Variants in CFAP54 observed in about 807,000 individuals in gnomAD.
CFAP54 encodes cilia and flagella associated protein 54.
Under a neutral mutation model 370.4 loss-of-function variants are expected in CFAP54, and 290 were observed. That is an observed-to-expected ratio of 0.78 (90% CI 0.71 to 0.86). The LOEUF is 0.86. Among genes scored for constraint, CFAP54 ranks in the 40% least tolerant of loss-of-function variants. CFAP54 has a pLI of 0.00. For synonymous variants in CFAP54, 1,206 were observed against 1,236.5 expected (o/e 0.98, Z 0.52); for missense variants, 3,399 against 3,528.7 (o/e 0.96, Z 0.93).
chr12:96,604,021 T>C (rs1435068386), intron 26 of CFAP54, among the ~76,000 whole-genome samples: 1 of 152,250 alleles, frequency 6.6e-6, no homozygotes, highest in African/African-American at 2.4e-5. Context: ...TTGTGTTCCT[T>C]TGGAGAAGAG....
intron 63 of CFAP54, among the ~76,000 whole-genome samples, chr12:96,806,725 C>T (rs1169726991): frequency 6.6e-6 from 1 of 152,128 alleles, no homozygotes; most frequent in Non-Finnish European, 1.5e-5. Flanking sequence ...TTGAGGTGCT[C>T]TGGATTTTGG....
In CFAP54 at chr12:96,625,622, C is replaced by T. The variant is rs1429508413; in HGVS notation, c.3887-96C>T. The stretch of plus-strand genomic sequence containing the variant: ...AATAAATAGTATTTTCCTGTTTTGT[C>T]ATCTCTTTTAAAGAATTGTTATTGT... On this transcript the variant is annotated intron_variant, in intron 28 of 67. Transcript: ENST00000524981. 4.7e-6 allele frequency: 3 copies of T among 642,184 alleles called. No individual in the cohort carries two copies. The African/African-American group carries it at 5.6e-5, about 12-fold the overall frequency. 39.8% of individuals were successfully genotyped at this position (642,184 alleles called of 1,614,324 possible). A position where few individuals can be genotyped will look rare whatever the true frequency, so the allele number is the denominator to read the frequency against.
chr12:96,640,950 T>G (rs2136487693), intron 32 of CFAP54, among the ~76,000 whole-genome samples: 1 of 152,178 alleles, frequency 6.6e-6, no homozygotes, highest in Admixed American at 6.5e-5. Flanking sequence ...GACTTAAATG[T>G]TAGACCTAAA....
At chr12:96,792,725 T>C (rs1194799564) in intron 63 of CFAP54, among the ~76,000 whole-genome samples, 1 of 152,160 alleles carries the variant, frequency 6.6e-6, no homozygotes, top group Non-Finnish European at 1.5e-5. Flanking sequence ...AGGGAAAATT[T>C]TCAGTGTGTC....
intron 63 of CFAP54, among the ~76,000 whole-genome samples, chr12:96,810,637 G>T (rs1414025827): frequency 1.3e-5 from 2 of 152,140 alleles, no homozygotes; most frequent in Non-Finnish European, 2.9e-5. Context: ...CATAGTTTTT[G>T]AATGATCTGT....
intron 17 of CFAP54, among the ~76,000 whole-genome samples, chr12:96,562,735 T>A (rs1185020718): frequency 6.6e-6 from 1 of 152,096 alleles, no homozygotes; most frequent in African/African-American, 2.4e-5. Flanking sequence ...CCTGCCTGTA[T>A]TCTGTTTATA....
intron 45 of CFAP54, among the ~76,000 whole-genome samples, chr12:96,695,952 T>C (rs1327568189): frequency 6.6e-6 from 1 of 152,110 alleles, no homozygotes; most frequent in African/African-American, 2.4e-5. Flanking sequence ...AAGACAATAA[T>C]GTTGGTACCT....
chr12:96,625,899 A>G (rs1437940919), intron 29 of CFAP54, 92 bp downstream of exon 29: 3 of 962,730 alleles, frequency 3.1e-6, no homozygotes, highest in Middle Eastern at 2.1e-4. Flanking sequence ...CTGCTTGAAG[A>G]TTTCACCTGT....
chr12:96,751,948 C>T (rs1320667511), intron 55 of CFAP54, among the ~76,000 whole-genome samples: 1 of 152,136 alleles, frequency 6.6e-6, no homozygotes, highest in Non-Finnish European at 1.5e-5. Flanking sequence ...CCTTACTCTT[C>T]TGGGAGCCTC....
chr12:96,685,316 C>CTAT (rs34447605), intron 42 of CFAP54, 78 bp downstream of exon 42: 215,632 of 1,261,746 alleles, frequency 0.17, 24,181 homozygotes, highest in East Asian at 0.52. Context: ...ATACAAAGTG[C>CTAT]TATGCCTCAT....
At chr12:96,777,523 A>G (rs1463151747) in intron 60 of CFAP54, among the ~76,000 whole-genome samples, 1 of 151,890 alleles carries the variant, frequency 6.6e-6, no homozygotes, top group Non-Finnish European at 1.5e-5. Flanking sequence ...CTAATTTTGT[A>G]TTTTTAGTAG....
At chr12:96,832,276 A>T (rs1235067942) in intron 66 of CFAP54, among the ~76,000 whole-genome samples, 2 of 119,380 alleles carry the variant, frequency 1.7e-5, no homozygotes, top group African/African-American at 6.6e-5. Flanking sequence ...TTTTGTAAAA[A>T]AAAAAAATAT....
At chr12:96,677,630 G>A (rs545354832) in intron 39 of CFAP54, among the ~76,000 whole-genome samples, 39 of 152,268 alleles carry the variant, frequency 2.6e-4, no homozygotes, top group Middle Eastern at 3.4e-3. Flanking sequence ...GAGCAGACAG[G>A]AGACTGAAAC....
chr12:96,491,750 C>T (rs980181142), intron 1 of CFAP54, among the ~76,000 whole-genome samples: 14 of 152,080 alleles, frequency 9.2e-5, no homozygotes, highest in African/African-American at 3.4e-4. Context: ...TATATACCTA[C>T]TCTATATGCT....
At chr12:96,553,206 G>C (rs1028097492) in intron 15 of CFAP54, among the ~76,000 whole-genome samples, 2 of 152,084 alleles carry the variant, frequency 1.3e-5, no homozygotes, top group African/African-American at 2.4e-5. Context: ...ATGTAGCGTA[G>C]TTTTGTGTTC....
intron 36 of CFAP54, 62 bp downstream of exon 36, chr12:96,651,877 T>C: frequency 9.7e-7 from 1 of 1,034,206 alleles, no homozygotes; most frequent in Non-Finnish European, 1.4e-6. Flanking sequence ...CTGTGCATCT[T>C]GGTATAAGTA....
intron 47 of CFAP54, among the ~76,000 whole-genome samples, chr12:96,705,421 GT>G (rs550549170): frequency 8.9e-5 from 13 of 145,856 alleles, no homozygotes; most frequent in South Asian, 2.2e-4. Context: ...ATGATTCATT[GT>G]TTTTTTTTTC....
At chr12:96,825,459 T>C (rs796489457) in intron 65 of CFAP54, among the ~76,000 whole-genome samples, 6 of 116,864 alleles carry the variant, frequency 5.1e-5, no homozygotes, top group African/African-American at 1.4e-4. Context: ...TTATATATAA[T>C]ATAATATATT....
chr12:96,589,500 C>T lies in CFAP54; in HGVS notation c.3149C>T (p.Ser1050Leu), dbSNP rs561342804. ...FSPVWDYFVASPLQDEQSVIC... is the reference protein window; with the variant it reads ...FSPVWDYFVALPLQDEQSVIC... Reference sequence around the variant, plus strand: ...CCAGTTTGGGATTATTTTGTTGCTTCGCCACTTCAGGATGAACAATCTGTT... The same window carrying T: ...CCAGTTTGGGATTATTTTGTTGCTTTGCCACTTCAGGATGAACAATCTGTT... The change falls in exon 23 of 68, where the codon TCG (serine) becomes TTG (leucine). Residue 1050 changes from serine (S) to leucine (L), a missense_variant. Transcript: ENST00000524981. 2.3e-4 allele frequency: 352 copies of T among 1,510,926 alleles called. 2 individuals are homozygous for T. In the African/African-American group the frequency reaches 3.4e-3, roughly 15 times the overall value. 93.6% of individuals were successfully genotyped at this position (1,510,926 alleles called of 1,614,324 possible). A position where few individuals can be genotyped will look rare whatever the true frequency, so the allele number is the denominator to read the frequency against.
Sources: allele counts gnomAD v4.1 joint callset (sites outside exome capture counted in the v4.1 genomes callset), GRCh38; gene constraint gnomAD v4.1.1; transcripts MANE v1.5; gene names NCBI Gene and HGNC (gene_info 2026-07-23, HGNC 2026-07-21).